The following KLK13 variants were observed in gnomAD, a reference collection of about 807,000 sequenced individuals.
KLK13 encodes kallikrein related peptidase 13.
In KLK13, 19 loss-of-function variants were observed where a neutral mutation model predicts 22.4. The observed-to-expected ratio is 0.85, with a 90% confidence interval of 0.59 to 1.24. The LOEUF is 1.24. KLK13 is among the 50% of genes most tolerant of loss of function. The pLI, the probability that KLK13 is intolerant of heterozygous loss-of-function variation, is 0.00. For missense variants in KLK13, 311 were observed against 347.9 expected (o/e 0.89, Z 0.84); for synonymous variants, 156 against 141.8 (o/e 1.10, Z -0.71).
In KLK13 at chr19:51,059,861, G is replaced by C; in HGVS notation, c.472C>G (p.Arg158Gly). Reference protein sequence around the residue: ...NNRLTPGTTCRVSGWGTTTSP... With the variant: ...NNRLTPGTTCGVSGWGTTTSP... ...GTGGTGGTGCCCCAGCCAGACACCC[G>C]ACAGGTGGTGCCAGGGGTTAGGCGG... is the stretch of plus-strand genomic sequence containing the variant. Residue 158 changes from arginine (R) to glycine (G), a missense_variant, in exon 3 of 5, where the codon CGG (arginine) becomes GGG (glycine). Coordinates refer to ENST00000595793, the MANE Select transcript of KLK13 (RefSeq NM_015596.3). The C allele has an allele frequency of 6.2e-7, 1 of 1,603,858 alleles. No individual in the cohort carries two copies. Among genetic ancestry groups the C allele is most frequent in the Non-Finnish European group, 8.5e-7 (1 of 1,174,494 alleles).
upstream of KLK13, chr19:51,065,164 C>G (rs950051165): frequency 8.7e-6 from 7 of 807,580 alleles, no homozygotes; most frequent in African/African-American, 7.0e-5. Context: ...CGTCTGAAAC[C>G]TCTCTGCTCC....
chr19:51,065,098 G>T, upstream of KLK13: 5 of 1,424,066 alleles, frequency 3.5e-6, no homozygotes, highest in South Asian at 1.3e-5. Flanking sequence ...AGGGCAGGGC[G>T]GGCGGGGCCT....
upstream of KLK13, among the ~76,000 whole-genome samples, chr19:51,065,574 A>G (rs545146336): frequency 2.0e-5 from 3 of 148,852 alleles, no homozygotes; most frequent in African/African-American, 7.4e-5. Context: ...CATCCTTCCT[A>G]TCCCCTCTTC....
rs1251903997 is a variant in KLK13, at chr19:51,058,535, C to T, written c.645+3G>A. ...AAGGCACCCACCAGCCTCCCGGCCT[C>T]ACCTCACAGGAGTCTTTGCCACCCT... On this transcript the variant is annotated splice_donor_region_variant and intron_variant, in intron 4 of 4. Coordinates refer to ENST00000595793, the MANE Select transcript of KLK13 (RefSeq NM_015596.3). 6.2e-7 allele frequency: 1 copy of T among 1,614,188 alleles called. No individual in the cohort carries two copies. The highest frequency in any genetic ancestry group is 1.7e-5 in the Admixed American group (1 of 60,026).
At position 51,056,592 on chromosome 19, in the gene KLK13, G is replaced by T. The variant is rs148256879; in HGVS notation, c.829C>A (p.Gln277Lys). 3.7e-6 allele frequency: 6 copies of T among 1,613,984 alleles called. No homozygotes were observed. The African/African-American group carries it at 4.0e-5, about 11-fold the overall frequency. ...GCCGGTACATTTCTCAACTTTTATTGTGGGCCCTTCAACCATTTTTGCTGC... is the reference window on the plus strand; with the variant it reads ...GCCGGTACATTTCTCAACTTTTATTTTGGGCCCTTCAACCATTTTTGCTGC... ...TQQQKWLKGP[Q>K] The change falls in exon 5 of 5, where the codon CAA becomes AAA. Residue 277 changes from glutamine (Q) to lysine (K), a missense_variant. By Grantham distance (53) the Gln-to-Lys change is moderately conservative. Coordinates refer to ENST00000595793, the MANE Select transcript of KLK13 (RefSeq NM_015596.3).
At position 51,055,743 on chromosome 19, in the gene KLK13, A is replaced by G. The variant is rs2091669771; in HGVS notation, c.*844T>C. Among the ~76,000 whole-genome samples, 1 of 152,218 alleles carries G rather than the reference A, an allele frequency of 6.6e-6. No individual in the cohort carries two copies. The highest frequency in any genetic ancestry group is 1.5e-5 in the Non-Finnish European group (1 of 68,046). On this transcript the variant is annotated 3_prime_UTR_variant, in exon 5 of 5. Transcript: ENST00000595793. ...TGAGTTTTATAACTTGTCCAAAGCA[A>G]GGATTTGCACTACATTTTAGGGTCA...
At position 51,056,765 on chromosome 19, in the gene KLK13, C is replaced by T. The variant is rs2091679366; in HGVS notation, c.656G>A (p.Gly219Glu). Residue 219 changes from glycine (G) to glutamate (E), a missense_variant, in exon 5 of 5, where the codon GGG (glycine) becomes GAG (glutamate). Gly to Glu is a moderately conservative substitution (Grantham distance 98, BLOSUM62 -2). Coordinates refer to ENST00000595793, the MANE Select transcript of KLK13 (RefSeq NM_015596.3). ...TGTTCTGTTACAGACCAGGGGGCCC[C>T]CAGAGTCACCCTGAGTTGGGGAAAG... ...GGKDSCEGDS[G>E]GPLVCNRTLY... The T allele has an allele frequency of 6.2e-7, 1 of 1,613,022 alleles. No homozygotes were observed. The highest frequency in any genetic ancestry group is 8.5e-7 in the Non-Finnish European group (1 of 1,179,486).
At chr19:51,057,308 T>C (rs2091684812) in intron 4 of KLK13, among the ~76,000 whole-genome samples, 2 of 152,226 alleles carry the variant, frequency 1.3e-5, no homozygotes, top group African/African-American at 2.4e-5. Context: ...ATCATTAATA[T>C]AGTATCATAC....
intron 4 of KLK13, 126 bp downstream of exon 4, chr19:51,058,412 G>A: frequency 8.9e-7 from 1 of 1,119,970 alleles, no homozygotes; most frequent in South Asian, 1.5e-5. Context: ...TCCTATGTGA[G>A]GGGACATTGT....
chr19:51,065,283 T>C (rs1475598131), upstream of KLK13, among the ~76,000 whole-genome samples: 1 of 152,028 alleles, frequency 6.6e-6, no homozygotes, highest in Admixed American at 6.5e-5. Context: ...GGAGGAACAG[T>C]GTGCAACCTC....
At chr19:51,058,482 A>C (rs1599783017) in intron 4 of KLK13, 56 bp downstream of exon 4, 11 of 1,602,730 alleles carry the variant, frequency 6.9e-6, no homozygotes, top group Middle Eastern at 1.9e-4. Context: ...AGCATCTGTC[A>C]CTTCCATTCT....
At chr19:51,058,965 G>A (rs2091700783) in intron 3 of KLK13, among the ~76,000 whole-genome samples, 2 of 152,058 alleles carry the variant, frequency 1.3e-5, no homozygotes, top group Non-Finnish European at 2.9e-5. Flanking sequence ...CCAGCGGTGG[G>A]GAGAGAAAGT....
chr19:51,065,144 G>C, upstream of KLK13: 2 of 1,063,962 alleles, frequency 1.9e-6, no homozygotes, highest in South Asian at 3.2e-5. Context: ...GGGCGTGCCC[G>C]GAACCTCCGC....
intron 1 of KLK13, chr19:51,063,486 T>G: frequency 5.6e-6 from 2 of 354,132 alleles, no homozygotes; most frequent in South Asian, 4.2e-5. Flanking sequence ...TTGATTAGGA[T>G]TCTGACTCAG....
At chr19:51,060,691 G>C (rs1466273695) in intron 1 of KLK13, 72 bp from the exon 2 acceptor site, 1 of 1,304,712 alleles carries the variant, frequency 7.7e-7, no homozygotes, top group Non-Finnish European at 1.1e-6. Context: ...GTGGTTTCTG[G>C]GTTTGGGGTA....
At chr19:51,062,134 T>C (rs936083996) in intron 1 of KLK13, among the ~76,000 whole-genome samples, 3 of 152,154 alleles carry the variant, frequency 2.0e-5, no homozygotes, top group African/African-American at 7.2e-5. Context: ...ACCAGCCATA[T>C]TTCAAATGTT....
At chr19:51,057,020 T>C (rs1262281043) in intron 4 of KLK13, among the ~76,000 whole-genome samples, 2 of 152,116 alleles carry the variant, frequency 1.3e-5, no homozygotes, top group Admixed American at 6.5e-5. Context: ...AAGACAGAGA[T>C]AGGCCCAGAG....
chr19:51,064,538 C>A, intron 1 of KLK13: 1 of 450,666 alleles, frequency 2.2e-6, no homozygotes, highest in East Asian at 6.6e-5. Flanking sequence ...GTAATAACGG[C>A]TAAGTGGCTA....
chr19:51,058,778 G>C, intron 3 of KLK13, 104 bp from the exon 4 acceptor site: 1 of 1,130,152 alleles, frequency 8.8e-7, no homozygotes, highest in East Asian at 2.4e-5. Flanking sequence ...AGAAAATTGA[G>C]ATGGGAAGAG....
Sources: gnomAD v4.1 joint callset for allele counts (sites outside exome capture counted in the v4.1 genomes callset) on GRCh38, gnomAD v4.1.1 for gene constraint, MANE v1.5 for transcripts, NCBI Gene and HGNC (gene_info 2026-07-23, HGNC 2026-07-21) for gene names.